The following KIF5C variants were observed in gnomAD, a reference collection of about 807,000 sequenced individuals.
The protein encoded by KIF5C is kinesin heavy chain isoform 5C.
Under a neutral mutation model 125.2 loss-of-function variants are expected in KIF5C, and 18 were observed. The observed-to-expected ratio is 0.14, with a 90% CI of 0.10 to 0.21. KIF5C has a LOEUF of 0.21. KIF5C is among the 10% of genes least tolerant of loss of function. The pLI, the probability that KIF5C is intolerant of heterozygous loss-of-function variation, is 1.00. For missense variants in KIF5C, 780 were observed against 1,183.8 expected (o/e 0.66, Z 5.01); for synonymous variants, 405 against 434.0 (o/e 0.93, Z 0.83).
chr2:148,981,041 A>G (rs1017672345), intron 13 of KIF5C, among the ~76,000 whole-genome samples: 1 of 152,202 alleles, frequency 6.6e-6, no homozygotes, highest in Non-Finnish European at 1.5e-5. Flanking sequence ...GAATAGCTAT[A>G]AAATGCAGTG....
At chr2:148,972,439 T>C (rs543189177) in intron 11 of KIF5C, among the ~76,000 whole-genome samples, 1 of 152,296 alleles carries the variant, frequency 6.6e-6, no homozygotes, top group East Asian at 1.9e-4. Context: ...AGGAAGATAT[T>C]TGGGAGACTC....
At chr2:148,983,352 T>G (rs1300672174) in intron 14 of KIF5C, among the ~76,000 whole-genome samples, 1 of 152,246 alleles carries the variant, frequency 6.6e-6, no homozygotes, top group Non-Finnish European at 1.5e-5. Context: ...GGACTTCCTT[T>G]TTGGCTTAAC....
Position 148,918,950 on chromosome 2 carries a change from A to G in KIF5C, c.127-3187A>G, listed in dbSNP as rs535536812. 2.6e-5 allele frequency among the ~76,000 whole-genome samples: 4 copies of G among 152,304 alleles called. No homozygotes were observed. In the South Asian group the frequency reaches 6.2e-4, roughly 24 times the overall value. On this transcript the variant is annotated intron_variant, in intron 1 of 25. Coordinates refer to ENST00000435030, the MANE Select transcript of KIF5C (RefSeq NM_004522.3). Reference sequence around the variant, plus strand: ...TGCATGGTATAGATGGTGAGAAGTGATAGGGTTTGGGATATAGTTTGGATA... The same window carrying G: ...TGCATGGTATAGATGGTGAGAAGTGGTAGGGTTTGGGATATAGTTTGGATA...
At chr2:148,886,589 A>G (rs1324559379) in intron 1 of KIF5C, among the ~76,000 whole-genome samples, 1 of 152,132 alleles carries the variant, frequency 6.6e-6, no homozygotes, top group Non-Finnish European at 1.5e-5. Context: ...CCCACCCAGC[A>G]TGGAAGAGGC....
chr2:148,991,210 C>T lies in KIF5C; in HGVS notation c.1905+12C>T, dbSNP rs745500338. ...TGCTCATCTCCCAGGTGGGCCCTTC[C>T]CTTCCCCATCATTGCACTCTTGTTG... On this transcript the variant is annotated intron_variant, in intron 16 of 25. Coordinates refer to ENST00000435030, the MANE Select transcript of KIF5C (RefSeq NM_004522.3). The T allele has an allele frequency of 6.2e-7, 1 of 1,611,570 alleles. No homozygotes were observed. The highest frequency in any genetic ancestry group is 8.5e-7 in the Non-Finnish European group (1 of 1,178,922).
chr2:148,970,029 T>C (rs1291564942), intron 11 of KIF5C, among the ~76,000 whole-genome samples: 2 of 152,172 alleles, frequency 1.3e-5, no homozygotes, highest in Non-Finnish European at 2.9e-5. Flanking sequence ...CTGTAAAAAA[T>C]AATCCTTACT....
intron 25 of KIF5C, among the ~76,000 whole-genome samples, chr2:149,021,200 C>T (rs570738632): frequency 6.6e-5 from 10 of 152,178 alleles, no homozygotes; most frequent in South Asian, 4.2e-4. Flanking sequence ...GTAGCTGGGA[C>T]TACACATACA....
intron 2 of KIF5C, among the ~76,000 whole-genome samples, chr2:148,923,584 C>G (rs960063866): frequency 2.0e-5 from 3 of 152,150 alleles, no homozygotes; most frequent in African/African-American, 7.2e-5. Flanking sequence ...TCCTACTCAG[C>G]CCTGCTCCCT....
intron 10 of KIF5C, among the ~76,000 whole-genome samples, chr2:148,953,285 G>A (rs1418164624): frequency 6.6e-6 from 1 of 152,256 alleles, no homozygotes; most frequent in Non-Finnish European, 1.5e-5. Context: ...AGTTAGGGCA[G>A]TTGCTGAACA....
At chr2:148,878,903 TC>T (rs1337432272) in intron 1 of KIF5C, 2 of 152,176 alleles carry the variant, frequency 1.3e-5, no homozygotes, top group African/African-American at 4.8e-5. Context: ...TCCCAGAAAT[TC>T]TTTGTGTTTT....
At chr2:148,888,662 T>C (rs1190876127) in intron 1 of KIF5C, 1 of 152,078 alleles carries the variant, frequency 6.6e-6, no homozygotes, top group Admixed American at 6.6e-5. Flanking sequence ...TCCTCCTTTG[T>C]AAGTGGCAAA....
intron 25 of KIF5C, among the ~76,000 whole-genome samples, chr2:149,011,913 G>A (rs759716386): frequency 7.2e-5 from 11 of 152,174 alleles, no homozygotes; most frequent in Non-Finnish European, 1.5e-4. Flanking sequence ...AGCCAGGCCC[G>A]GCCTAATCCC....
intron 12 of KIF5C, among the ~76,000 whole-genome samples, chr2:148,976,717 G>C (rs757456153): frequency 6.6e-6 from 1 of 151,872 alleles, no homozygotes; most frequent in African/African-American, 2.4e-5. Context: ...TGGTACTACA[G>C]GCACATACCA....
intron 18 of KIF5C, chr2:148,997,612 C>G: frequency 2.1e-6 from 1 of 473,950 alleles, no homozygotes; most frequent in East Asian, 3.4e-5. Flanking sequence ...GGGTAGCACC[C>G]CCAATCACTG....
At chr2:148,993,156 G>A (rs1033507652) in intron 16 of KIF5C, among the ~76,000 whole-genome samples, 16 of 152,172 alleles carry the variant, frequency 1.1e-4, no homozygotes, top group Non-Finnish European at 1.6e-4. Context: ...TGGTCTATAG[G>A]GGACATAGGT....
intron 13 of KIF5C, among the ~76,000 whole-genome samples, chr2:148,980,680 T>TTATTTATTTATA (rs1681207997): frequency 1.9e-5 from 1 of 52,414 alleles, no homozygotes; most frequent in Non-Finnish European, 4.0e-5. Flanking sequence ...CTTTGCTTAT[T>TTATTTATTTATA]TATTTATTTA....
intron 1 of KIF5C, among the ~76,000 whole-genome samples, chr2:148,916,736 T>G (rs1298314315): frequency 6.6e-6 from 1 of 152,090 alleles, no homozygotes; most frequent in Non-Finnish European, 1.5e-5. Context: ...TAATTTGGAA[T>G]TGATTGGGAG....
At chr2:148,974,375 C>CT (rs1345975708) in intron 12 of KIF5C, among the ~76,000 whole-genome samples, 4 of 152,140 alleles carry the variant, frequency 2.6e-5, no homozygotes, top group Admixed American at 6.5e-5. Flanking sequence ...TTATGTTAAC[C>CT]TTGCCATTAA....
chr2:148,938,588 C>T (rs1469574032), intron 4 of KIF5C, among the ~76,000 whole-genome samples: 2 of 152,124 alleles, frequency 1.3e-5, no homozygotes, highest in African/African-American at 4.8e-5. Context: ...GACTCATTGG[C>T]CCAGCCTACA....
Sources: allele counts gnomAD v4.1 joint callset (sites outside exome capture counted in the v4.1 genomes callset), GRCh38; gene constraint gnomAD v4.1.1; transcripts MANE v1.5; gene names NCBI Gene and HGNC (gene_info 2026-07-23, HGNC 2026-07-21).